The following CACNA1A variants were observed in gnomAD, a reference collection of about 807,000 sequenced individuals.
The protein encoded by CACNA1A is voltage-dependent P/Q-type calcium channel subunit alpha-1A.
A neutral mutation model predicts 262.4 loss-of-function variants in CACNA1A; 57 were observed. The ratio of observed to expected loss-of-function variants is 0.22; its 90% confidence interval spans 0.18 to 0.27. The LOEUF (loss-of-function observed/expected upper bound fraction) is 0.27. CACNA1A is among the 10% of genes least tolerant of loss of function. CACNA1A has a pLI of 1.00. For missense variants in CACNA1A, 2,526 were observed against 3,562.8 expected (o/e 0.71, Z 7.41); for synonymous variants, 1,431 against 1,419.3 (o/e 1.01, Z -0.18).
intron 34 of CACNA1A, among the ~76,000 whole-genome samples, chr19:13,232,874 C>G (rs1411016756): frequency 6.6e-6 from 1 of 151,414 alleles, no homozygotes; most frequent in African/African-American, 2.4e-5. Flanking sequence ...CATGGCAAAA[C>G]CCCGTCTCTA....
In CACNA1A at chr19:13,475,084, A is replaced by T. The variant is rs1328341164; in HGVS notation, c.294-19872T>A. On this transcript the variant is annotated intron_variant, in intron 1 of 46. Transcript: ENST00000360228. The stretch of plus-strand genomic sequence containing the variant: ...AAATATTTGTTAATCAGAAGTTTAC[A>T]TGCATGTGACATTTCCAAACCTATT... Among the ~76,000 whole-genome samples, 4 of 152,258 alleles carry T rather than the reference A, an allele frequency of 2.6e-5. No homozygotes were observed. In the East Asian group the frequency reaches 7.7e-4, roughly 29 times the overall value.
chr19:13,464,941 CTTTTT>C (rs2061205374), intron 1 of CACNA1A, among the ~76,000 whole-genome samples: 1 of 151,050 alleles, frequency 6.6e-6, no homozygotes, highest in African/African-American at 2.4e-5. Flanking sequence ...CTTCTCTTTT[CTTTTT>C]GAGACAGAGT....
chr19:13,337,113 A>ACCCTCATAATCTGCCAATGGG (rs1568548021), intron 6 of CACNA1A, among the ~76,000 whole-genome samples: 1 of 152,040 alleles, frequency 6.6e-6, no homozygotes, highest in Non-Finnish European at 1.5e-5. Context: ...GAGCAACTGG[A>ACCCTCATAATCTGCCAATGGG]ACCCTCATAA....
intron 7 of CACNA1A, 94 bp from the exon 8 acceptor site, chr19:13,334,587 G>T (rs865978960): frequency 4.7e-6 from 3 of 642,338 alleles, no homozygotes; most frequent in African/African-American, 2.0e-5. Context: ...GTGTGTGTGT[G>T]TGTGTTTGTG....
intron 6 of CACNA1A, among the ~76,000 whole-genome samples, chr19:13,336,836 T>C (rs1018092555): frequency 6.6e-6 from 1 of 152,144 alleles, no homozygotes; most frequent in African/African-American, 2.4e-5. Flanking sequence ...TATTCACTAG[T>C]GGACATGGGA....
At chr19:13,238,276 A>AG (rs1192221685) in intron 31 of CACNA1A, among the ~76,000 whole-genome samples, 1 of 152,096 alleles carries the variant, frequency 6.6e-6, no homozygotes, top group Non-Finnish European at 1.5e-5. Context: ...CCTCCCCTGA[A>AG]CTTCCTGGCT....
intron 19 of CACNA1A, among the ~76,000 whole-genome samples, chr19:13,289,624 C>T (rs1026416809): frequency 2.0e-5 from 3 of 152,124 alleles, no homozygotes; most frequent in Non-Finnish European, 2.9e-5. Context: ...GTTACTTAGC[C>T]TCAGTTCCTG....
intron 3 of CACNA1A, among the ~76,000 whole-genome samples, chr19:13,430,536 A>G (rs2060488386): frequency 6.6e-6 from 1 of 152,178 alleles, no homozygotes; most frequent in African/African-American, 2.4e-5. Flanking sequence ...GAGATAGCAC[A>G]TGGACAGGGG....
chr19:13,345,417 G>C (rs889548189), intron 6 of CACNA1A, among the ~76,000 whole-genome samples: 31 of 152,102 alleles, frequency 2.0e-4, no homozygotes, highest in African/African-American at 7.5e-4. Context: ...GCCCAAGAGA[G>C]CTTCAAGGGT....
In CACNA1A at chr19:13,349,811, C is replaced by T. The variant is rs142258016; in HGVS notation, c.978+9795G>A. Among the ~76,000 whole-genome samples, 489 of 152,216 alleles carry T rather than the reference C, an allele frequency of 3.2e-3. 1 individual carries two copies. The highest frequency in any genetic ancestry group is 6.8e-3 in the Middle Eastern group (2 of 294). On this transcript the variant is annotated intron_variant, in intron 6 of 46. Transcript: ENST00000360228. Reference sequence around the variant, plus strand: ...AGCTCAGAGAGTTTTATATTTTTACCATCAAGGAATCCCAGGCTGATGCCT... The same window carrying T: ...AGCTCAGAGAGTTTTATATTTTTACTATCAAGGAATCCCAGGCTGATGCCT...
chr19:13,261,717 C>T (rs969954425), intron 25 of CACNA1A, 107 bp from the exon 26 acceptor site: 13 of 1,109,184 alleles, frequency 1.2e-5, no homozygotes, highest in Middle Eastern at 2.3e-4. Flanking sequence ...TCCCATTTTA[C>T]AGGCAAGGTC....
chr19:13,474,916 G>A (rs1428678740), intron 1 of CACNA1A, among the ~76,000 whole-genome samples: 1 of 152,128 alleles, frequency 6.6e-6, no homozygotes, highest in African/African-American at 2.4e-5. Flanking sequence ...TAGAAACAAG[G>A]AGGTTGAGAA....
At chr19:13,213,762 C>A (rs2054901888) in intron 40 of CACNA1A, 1 of 143,722 alleles carries the variant, frequency 7.0e-6, no homozygotes, top group African/African-American at 2.7e-5. Context: ...TGGCTTGCTG[C>A]AACCTCCACC....
chr19:13,486,762 C>A (rs1361221810), intron 1 of CACNA1A, among the ~76,000 whole-genome samples: 1 of 151,868 alleles, frequency 6.6e-6, no homozygotes, highest in Non-Finnish European at 1.5e-5. Context: ...CTCTCTTTTC[C>A]CTCACCATTG....
chr19:13,461,514 A>C (rs2061124348), intron 1 of CACNA1A, among the ~76,000 whole-genome samples: 1 of 152,244 alleles, frequency 6.6e-6, no homozygotes, highest in Admixed American at 6.5e-5. Flanking sequence ...GCAATGATGT[A>C]CTTGGTGCCC....
At chr19:13,222,230 C>T (rs2055258192) in intron 38 of CACNA1A, among the ~76,000 whole-genome samples, 1 of 151,782 alleles carries the variant, frequency 6.6e-6, no homozygotes, top group African/African-American at 2.4e-5. Context: ...TTAGTAGAGA[C>T]AGGGTTTTGC....
At chr19:13,312,812 G>GCA in intron 11 of CACNA1A, 31 bp from the exon 12 acceptor site, 1 of 1,202,586 alleles carries the variant, frequency 8.3e-7, no homozygotes, top group Non-Finnish European at 1.2e-6. Context: ...ACAGAGAGGA[G>GCA]GTTAGGCTTG....
intron 3 of CACNA1A, among the ~76,000 whole-genome samples, chr19:13,438,860 T>C (rs1159080282): frequency 6.6e-6 from 1 of 152,122 alleles, no homozygotes; most frequent in Non-Finnish European, 1.5e-5. Flanking sequence ...AATATCCTGA[T>C]TTTATTTTAT....
chr19:13,505,158 G>A (rs1982867423), intron 1 of CACNA1A, among the ~76,000 whole-genome samples: 1 of 151,986 alleles, frequency 6.6e-6, no homozygotes, highest in Admixed American at 6.5e-5. Context: ...CCCAGGCCAG[G>A]GGCCCAGATA....
Sources: gnomAD v4.1 joint callset for allele counts (sites outside exome capture counted in the v4.1 genomes callset) on GRCh38, gnomAD v4.1.1 for gene constraint, MANE v1.5 for transcripts, NCBI Gene and HGNC (gene_info 2026-07-23, HGNC 2026-07-21) for gene names.